Variants in GABRB1 observed in about 807,000 individuals in gnomAD.
GABRB1 encodes gamma-aminobutyric acid receptor subunit beta-1.
A neutral mutation model predicts 51.6 loss-of-function variants in GABRB1; 17 were observed. The ratio of observed to expected loss-of-function variants is 0.33; its 90% CI spans 0.23 to 0.49. GABRB1 has a LOEUF of 0.49. GABRB1 is among the 20% of genes least tolerant of loss of function. The probability of loss-of-function intolerance (pLI) is 0.99; values close to 1 mark genes in which losing one functional copy is unlikely to be tolerated. For missense variants in GABRB1, 410 were observed against 600.6 expected, an observed-to-expected ratio of 0.68 and a Z score of 3.32; for synonymous variants, 247 against 218.9, an observed-to-expected ratio of 1.13 and a Z score of -1.14.
intron 3 of GABRB1, among the ~76,000 whole-genome samples, chr4:47,041,071 T>G (rs1206632663): frequency 6.6e-6 from 1 of 152,122 alleles, no homozygotes; most frequent in Non-Finnish European, 1.5e-5. Flanking sequence ...CCATGTGAGA[T>G]TGCATGAAAG....
chr4:47,296,551 A>G (rs1724001688), intron 4 of GABRB1, among the ~76,000 whole-genome samples: 2 of 152,244 alleles, frequency 1.3e-5, no homozygotes, highest in African/African-American at 4.8e-5. Context: ...TTCAACAAGA[A>G]GAGCTAACTA....
At chr4:47,085,897 T>G (rs1221644672) in intron 3 of GABRB1, among the ~76,000 whole-genome samples, 1 of 152,196 alleles carries the variant, frequency 6.6e-6, no homozygotes, top group Non-Finnish European at 1.5e-5. Flanking sequence ...GACCAGAAGC[T>G]GCCAGGCCTC....
intron 5 of GABRB1, among the ~76,000 whole-genome samples, chr4:47,377,944 A>G (rs1012771752): frequency 2.0e-5 from 3 of 152,210 alleles, no homozygotes; most frequent in African/African-American, 7.2e-5. Context: ...AAGGTTCTCC[A>G]CGTCCCCACC....
intron 3 of GABRB1, among the ~76,000 whole-genome samples, chr4:47,071,616 T>C (rs1727338865): frequency 6.6e-6 from 1 of 151,828 alleles, no homozygotes; most frequent in Non-Finnish European, 1.5e-5. Flanking sequence ...CCTGAAATAC[T>C]ACATATATCC....
upstream of GABRB1, among the ~76,000 whole-genome samples, chr4:47,027,308 C>G (rs1049647770): frequency 6.6e-6 from 1 of 150,914 alleles, no homozygotes. Flanking sequence ...AAAGAATAAA[C>G]CCAGAAAAAA....
intron 4 of GABRB1, among the ~76,000 whole-genome samples, chr4:47,240,028 T>A (rs1211879472): frequency 6.6e-6 from 1 of 152,228 alleles, no homozygotes; most frequent in Non-Finnish European, 1.5e-5. Flanking sequence ...TCCTTGGATT[T>A]ACATGAATTT....
chr4:47,331,130 A>G (rs1578099600), intron 5 of GABRB1, among the ~76,000 whole-genome samples: 1 of 152,140 alleles, frequency 6.6e-6, no homozygotes, highest in Non-Finnish European at 1.5e-5. Context: ...ATTTTGCCAT[A>G]TTCAGTAGAC....
At chr4:47,275,600 G>T (rs1389037614) in intron 4 of GABRB1, among the ~76,000 whole-genome samples, 2 of 152,102 alleles carry the variant, frequency 1.3e-5, no homozygotes, top group Non-Finnish European at 2.9e-5. Context: ...AGGTGGATGG[G>T]GGGAGGTCTA....
intron 4 of GABRB1, among the ~76,000 whole-genome samples, chr4:47,247,373 G>T (rs907090859): frequency 1.3e-5 from 2 of 152,028 alleles, no homozygotes; most frequent in Non-Finnish European, 2.9e-5. Flanking sequence ...TGTTCCATTG[G>T]TCTGTGTGCC....
intron 3 of GABRB1, among the ~76,000 whole-genome samples, chr4:47,152,053 C>G (rs1036920168): frequency 6.6e-6 from 1 of 151,886 alleles, no homozygotes; most frequent in Admixed American, 6.6e-5. Context: ...TTGCCATATG[C>G]TTTTGTCATC....
At chr4:47,418,004 G>A (rs1209881479) in intron 8 of GABRB1, among the ~76,000 whole-genome samples, 2 of 152,198 alleles carry the variant, frequency 1.3e-5, no homozygotes, top group Non-Finnish European at 2.9e-5. Flanking sequence ...TAGTGAGTGA[G>A]ATGGAAGGGG....
At chr4:47,114,039 GTTGT>G (rs1182892757) in intron 3 of GABRB1, among the ~76,000 whole-genome samples, 1 of 152,152 alleles carries the variant, frequency 6.6e-6, no homozygotes, top group Non-Finnish European at 1.5e-5. Flanking sequence ...CGTGGTTAGG[GTTGT>G]CTGACCAAGC....
chr4:47,114,973 C>T (rs1715401442), intron 3 of GABRB1, among the ~76,000 whole-genome samples: 1 of 152,174 alleles, frequency 6.6e-6, no homozygotes, highest in African/African-American at 2.4e-5. Context: ...CTTCTCAATT[C>T]CTTGACTGAC....
intron 5 of GABRB1, among the ~76,000 whole-genome samples, chr4:47,351,768 C>T (rs1726352167): frequency 6.6e-6 from 1 of 151,754 alleles, no homozygotes; most frequent in Admixed American, 6.6e-5. Flanking sequence ...CATAGTATTC[C>T]ATGGTGTATA....
intron 5 of GABRB1, among the ~76,000 whole-genome samples, chr4:47,384,308 G>A (rs1727702399): frequency 6.6e-6 from 1 of 151,586 alleles, no homozygotes; most frequent in South Asian, 2.1e-4. Context: ...ATTTTGGCAG[G>A]TTGAGGATTT....
At chr4:47,172,397 T>C (rs1330250900) in intron 4 of GABRB1, among the ~76,000 whole-genome samples, 1 of 152,116 alleles carries the variant, frequency 6.6e-6, no homozygotes, top group Admixed American at 6.6e-5. Context: ...TTACAGGAAG[T>C]AGTGCCTCAT....
At chr4:47,302,770 G>A (rs188880948) in intron 4 of GABRB1, among the ~76,000 whole-genome samples, 17 of 151,960 alleles carry the variant, frequency 1.1e-4, no homozygotes, top group African/African-American at 3.6e-4. Context: ...ATTTAAATAG[G>A]CAAGGTACCA....
intron 4 of GABRB1, among the ~76,000 whole-genome samples, chr4:47,263,004 A>G (rs1039476007): frequency 1.5e-5 from 2 of 130,858 alleles, no homozygotes; most frequent in East Asian, 2.4e-4. Flanking sequence ...GAGAACACAT[A>G]GACACAGGAA....
intron 5 of GABRB1, among the ~76,000 whole-genome samples, chr4:47,341,557 G>T (rs139395156): frequency 5.6e-4 from 85 of 152,252 alleles, no homozygotes; most frequent in African/African-American, 1.9e-3. Flanking sequence ...TGCAAGCTAG[G>T]TCTTCACTCA....
Sources: gnomAD v4.1 joint callset for allele counts (sites outside exome capture counted in the v4.1 genomes callset) on GRCh38, gnomAD v4.1.1 for gene constraint, MANE v1.5 for transcripts, NCBI Gene and HGNC (gene_info 2026-07-23, HGNC 2026-07-21) for gene names.